DSCAM: variants seen among roughly 807,000 people sequenced by gnomAD.
DSCAM encodes cell adhesion molecule DSCAM.
In DSCAM, 47 loss-of-function variants were observed where a neutral mutation model predicts 217.7. The observed-to-expected ratio is 0.22, with a 90% CI of 0.17 to 0.28. DSCAM has a LOEUF of 0.28. Ranked by LOEUF, DSCAM falls within the 10% of genes least tolerant of loss-of-function variation. The pLI is 1.00. For synonymous variants in DSCAM, 1,056 were observed against 1,015.3 expected, an observed-to-expected ratio of 1.04 and a Z score of -0.76; for missense variants, 2,080 against 2,618.3, an observed-to-expected ratio of 0.79 and a Z score of 4.49.
At chr21:40,295,591 G>T (rs952147366) in intron 10 of DSCAM, among the ~76,000 whole-genome samples, 2 of 152,140 alleles carry the variant, frequency 1.3e-5, no homozygotes, top group African/African-American at 4.8e-5. Flanking sequence ...ATATTCTAAG[G>T]TAATAAGGGG....
chr21:40,704,184 A>ACCCT (rs2090687323), intron 2 of DSCAM, among the ~76,000 whole-genome samples: 3 of 151,938 alleles, frequency 2.0e-5, no homozygotes, highest in Admixed American at 6.6e-5. Context: ...CGTCTGTTCA[A>ACCCT]CCCTCCCTCC....
intron 6 of DSCAM, among the ~76,000 whole-genome samples, chr21:40,343,368 T>C (rs1347988958): frequency 1.3e-5 from 2 of 152,202 alleles, no homozygotes; most frequent in Non-Finnish European, 1.5e-5. Flanking sequence ...GGTCTCAATC[T>C]TAAATGAAAA....
Position 40,051,924 on chromosome 21 carries a change from C to T in DSCAM, c.5185+34G>A, listed in dbSNP as rs1158872355. On this transcript the variant is annotated intron_variant, in intron 30 of 32. Transcript: ENST00000400454. ...ATTACTATGTTTTCAGCATTGTTAACACCCACACATTTTAAGCATTGTTGA... is the reference window on the plus strand; with the variant it reads ...ATTACTATGTTTTCAGCATTGTTAATACCCACACATTTTAAGCATTGTTGA... The T allele has an allele frequency of 1.9e-6, 3 of 1,588,296 alleles. No homozygotes were observed. The African/African-American group carries it at 4.1e-5, about 21-fold the overall frequency.
At chr21:40,731,551 G>C (rs527834452) in intron 1 of DSCAM, among the ~76,000 whole-genome samples, 1 of 152,070 alleles carries the variant, frequency 6.6e-6, no homozygotes, top group African/African-American at 2.4e-5. Context: ...GTATCCACAG[G>C]GTTGGTTTGT....
In DSCAM at chr21:40,429,859, G is replaced by A. The variant is rs570703882; in HGVS notation, c.509-60614C>T. Among the ~76,000 whole-genome samples the A allele has an allele frequency of 3.9e-5, 6 of 152,202 alleles. No homozygotes were observed. The South Asian group carries it at 1.2e-3, about 32-fold the overall frequency. The stretch of plus-strand genomic sequence containing the variant: ...TTCTATGCTGGGCGCTATTCCAGAT[G>A]GTGAGATGCAAAATATAATAAGACA... On this transcript the variant is annotated intron_variant, in intron 3 of 32. Coordinates refer to ENST00000400454, the MANE Select transcript of DSCAM (RefSeq NM_001389.5).
chr21:40,843,125 A>G (rs1601336505), intron 1 of DSCAM, among the ~76,000 whole-genome samples: 1 of 152,208 alleles, frequency 6.6e-6, no homozygotes, highest in Non-Finnish European at 1.5e-5. Context: ...CTTAAGGTGC[A>G]TTTGTATTTA....
chr21:40,029,304 A>G (rs1341507112), intron 32 of DSCAM, among the ~76,000 whole-genome samples: 1 of 152,176 alleles, frequency 6.6e-6, no homozygotes, highest in Non-Finnish European at 1.5e-5. Flanking sequence ...ACCCTAACAC[A>G]GCCTGCCCCA....
chr21:40,378,219 T>G (rs975040795), intron 3 of DSCAM, among the ~76,000 whole-genome samples: 2 of 152,188 alleles, frequency 1.3e-5, no homozygotes, highest in Non-Finnish European at 2.9e-5. Flanking sequence ...TTTAATTAAT[T>G]GCTGAACAAA....
intron 3 of DSCAM, among the ~76,000 whole-genome samples, chr21:40,407,271 T>C (rs1219403742): frequency 1.3e-5 from 2 of 152,176 alleles, no homozygotes; most frequent in Non-Finnish European, 2.9e-5. Flanking sequence ...TTGTGCAACA[T>C]AAGTATATAC....
At chr21:40,762,966 AC>A (rs1210836476) in intron 1 of DSCAM, among the ~76,000 whole-genome samples, 3 of 152,256 alleles carry the variant, frequency 2.0e-5, no homozygotes, top group Non-Finnish European at 4.4e-5. Flanking sequence ...GCTGTTTATG[AC>A]AAACCCATAG....
Position 40,016,542 on chromosome 21 carries a change from G to T in DSCAM, c.5687-3156C>A, listed in dbSNP as rs554895195. Among the ~76,000 whole-genome samples, 1 of 152,250 alleles carries T rather than the reference G, an allele frequency of 6.6e-6. No individual in the cohort carries two copies. Among genetic ancestry groups the T allele is most frequent in the South Asian group, 2.1e-4 (1 of 4,820 alleles). On this transcript the variant is annotated intron_variant, in intron 32 of 32. Coordinates refer to ENST00000400454, the MANE Select transcript of DSCAM (RefSeq NM_001389.5). The surrounding 1 kb of genome is among the most constrained non-coding windows in gnomAD (Gnocchi z 4.3). ...GAGTCTAAAGTAACTGAACATTCTT[G>T]TTTCTTTTGCTTCAAAATATCCCCT...
chr21:40,328,970 C>G (rs931865993), intron 8 of DSCAM, among the ~76,000 whole-genome samples: 2 of 152,136 alleles, frequency 1.3e-5, no homozygotes, highest in Admixed American at 1.3e-4. Flanking sequence ...AGGTTATCAT[C>G]TCACACATGT....
At chr21:40,142,820 C>A in intron 17 of DSCAM, 116 bp from the exon 18 acceptor site, 2 of 1,201,774 alleles carry the variant, frequency 1.7e-6, no homozygotes, top group Non-Finnish European at 2.3e-6. Flanking sequence ...TGCACTCAAC[C>A]CCAAAATGAA....
At chr21:40,070,045 C>T (rs942664516) in intron 27 of DSCAM, among the ~76,000 whole-genome samples, 2 of 152,010 alleles carry the variant, frequency 1.3e-5, no homozygotes, top group Admixed American at 6.6e-5. Flanking sequence ...TGGTAGCCCT[C>T]GACTCCCCCT....
At chr21:40,691,918 T>A (rs1262749687) in intron 3 of DSCAM, among the ~76,000 whole-genome samples, 1 of 152,266 alleles carries the variant, frequency 6.6e-6, no homozygotes, top group South Asian at 2.1e-4. Flanking sequence ...CGTGAGGGTT[T>A]AGTTCCAAAT....
chr21:40,588,397 G>T (rs1268489979), intron 3 of DSCAM, among the ~76,000 whole-genome samples: 1 of 152,176 alleles, frequency 6.6e-6, no homozygotes, highest in Admixed American at 6.5e-5. Flanking sequence ...AACATCTAAA[G>T]GGGGAATACC....
intron 11 of DSCAM, among the ~76,000 whole-genome samples, chr21:40,232,784 T>A (rs2091393467): frequency 2.0e-5 from 3 of 152,138 alleles, no homozygotes; most frequent in Admixed American, 6.6e-5. Context: ...TTTAGACAGG[T>A]GATACTAAGC....
chr21:40,338,313 T>C lies in DSCAM; in HGVS notation c.1571A>G (p.His524Arg), dbSNP rs1288825617. 2 of 1,614,206 alleles carry C rather than the reference T, an allele frequency of 1.2e-6. No individual in the cohort carries two copies. The highest frequency in any genetic ancestry group is 1.7e-6 in the Non-Finnish European group (2 of 1,180,032). ...TAIAGRDTYI[H>R]CRVIGYPYYS... ...ATACGGATAGCCAATCACACGACAG[T>C]GAATGTATGTGTCCCGTCCTGCTAT... The change falls in exon 8 of 33, where the codon CAC becomes CGC. Residue 524 changes from histidine (H) to arginine (R), a missense_variant. Physicochemically the swap from His to Arg is conservative, Grantham distance 29 (BLOSUM62 0). Transcript: ENST00000400454.
intron 3 of DSCAM, among the ~76,000 whole-genome samples, chr21:40,374,211 A>T (rs565924665): frequency 6.6e-6 from 1 of 152,354 alleles, no homozygotes; most frequent in East Asian, 1.9e-4. Flanking sequence ...ATTGAAAAAA[A>T]TATTAATAAA....
Sources: allele counts gnomAD v4.1 joint callset (sites outside exome capture counted in the v4.1 genomes callset), GRCh38; gene constraint gnomAD v4.1.1; non-coding constraint Gnocchi (gnomAD v3.1); transcripts MANE v1.5; gene names NCBI Gene and HGNC (gene_info 2026-07-23, HGNC 2026-07-21).